Variants in ZSCAN21 observed in about 807,000 individuals in gnomAD.
ZSCAN21 encodes zinc finger and SCAN domain containing 21.
ZSCAN21 carries 26 observed loss-of-function variants against 35.6 expected under a neutral mutation model. The observed-to-expected ratio is 0.73, with a 90% CI of 0.54 to 1.01. ZSCAN21 has a LOEUF of 1.01. Among genes scored for constraint, ZSCAN21 ranks in the 50% least tolerant of loss-of-function variants. The pLI, the probability that ZSCAN21 is intolerant of heterozygous loss-of-function variation, is 0.00. For missense variants in ZSCAN21, 593 were observed against 587.1 expected, an observed-to-expected ratio of 1.01 and a Z score of -0.10; for synonymous variants, 219 against 219.3, an observed-to-expected ratio of 1.00 and a Z score of 0.01.
chr7:100,057,159 T>G lies in ZSCAN21; in HGVS notation c.153T>G (p.Phe51Leu). ...TGTTCCGCCAGCGCTTCAGGCAGTTTGGGTACCATGATACCCCTGGACCCC... is the reference window on the plus strand; with the variant it reads ...TGTTCCGCCAGCGCTTCAGGCAGTTGGGGTACCATGATACCCCTGGACCCC... ...LEMFRQRFRQFGYHDTPGPRE... is the reference protein window; with the variant it reads ...LEMFRQRFRQLGYHDTPGPRE... The change falls in exon 2 of 4, where the codon TTT (phenylalanine) becomes TTG (leucine). Residue 51 changes from phenylalanine to leucine, a missense_variant. Phe to Leu is a conservative substitution (Grantham distance 22). Transcript: ENST00000292450. 6.2e-7 allele frequency: 1 copy of G among 1,613,882 alleles called. No homozygotes were observed. Among genetic ancestry groups the G allele is most frequent in the South Asian group, 1.1e-5 (1 of 91,070 alleles).
intron 3 of ZSCAN21, among the ~76,000 whole-genome samples, chr7:100,058,639 G>A (rs1792168296): frequency 1.3e-5 from 2 of 152,234 alleles, no homozygotes; most frequent in African/African-American, 4.8e-5. Context: ...GACTACTCCT[G>A]AGCTCAAATC....
In ZSCAN21 at chr7:100,064,082, G is replaced by A. The variant is rs1562850986; in HGVS notation, c.887G>A (p.Arg296Lys). 6.2e-7 allele frequency: 1 copy of A among 1,614,130 alleles called. No homozygotes were observed. The highest frequency in any genetic ancestry group is 8.5e-7 in the Non-Finnish European group (1 of 1,180,038). ...FSNSSNLTKHRRTHTGEKPYV... is the reference protein window; with the variant it reads ...FSNSSNLTKHKRTHTGEKPYV... ...AATAGCTCAAATCTCACCAAACACA[G>A]GAGAACACACACTGGGGAGAAACCT... The change falls in exon 4 of 4, where the codon AGG becomes AAG. Residue 296 changes from arginine (R) to lysine (K), a missense_variant. Transcript: ENST00000292450.
At position 100,057,319 on chromosome 7, in the gene ZSCAN21, G is replaced by T; in HGVS notation, c.313G>T (p.Val105Leu). 1 of 1,611,254 alleles carries T rather than the reference G, an allele frequency of 6.2e-7. No individual in the cohort carries two copies. The highest frequency in any genetic ancestry group is 2.2e-5 in the East Asian group (1 of 44,874). Residue 105 changes from valine (V) to leucine (L), a missense_variant, in exon 2 of 4, where the codon GTG (valine) becomes TTG (leucine). Transcript: ENST00000292450. Reference sequence around the variant, plus strand: ...CCTGCCCCAGGAGCTCCAGGCCTGGGTGCAGGAGCATTGCCCGGAGAGCGC... The same window carrying T: ...CCTGCCCCAGGAGCTCCAGGCCTGGTTGCAGGAGCATTGCCCGGAGAGCGC... ...TILPQELQAW[V>L]QEHCPESAEE...
At chr7:100,057,547 C>T in intron 2 of ZSCAN21, 142 bp downstream of exon 2, 1 of 1,372,080 alleles carries the variant, frequency 7.3e-7, no homozygotes, top group South Asian at 1.5e-5. Context: ...TTTTCTCTAT[C>T]ATCCTAAACT....
chr7:100,056,083 G>T (rs2116093190), intron 1 of ZSCAN21, among the ~76,000 whole-genome samples: 1 of 151,446 alleles, frequency 6.6e-6, no homozygotes, highest in African/African-American at 2.4e-5. Flanking sequence ...GGGACTACAG[G>T]CACCCGCCAC....
In ZSCAN21 at chr7:100,057,694, C is replaced by G. The variant is rs751706254; in HGVS notation, c.400-4C>G. Reference sequence around the variant, plus strand: ...CAAACCTAGCCATTCCTGATTGTCTCTAGGTCTCAACTCCTCCAAACGAAC... The same window carrying G: ...CAAACCTAGCCATTCCTGATTGTCTGTAGGTCTCAACTCCTCCAAACGAAC... On this transcript the variant is annotated splice_polypyrimidine_tract_variant and splice_region_variant and intron_variant, in intron 2 of 3. Transcript: ENST00000292450. 1.6e-5 allele frequency: 25 copies of G among 1,604,996 alleles called. No homozygotes were observed. The highest frequency in any genetic ancestry group is 2.0e-5 in the Non-Finnish European group (24 of 1,175,680).
chr7:100,062,873 CAAAAT>C (rs1258373095), intron 3 of ZSCAN21, among the ~76,000 whole-genome samples: 1 of 152,074 alleles, frequency 6.6e-6, no homozygotes, highest in Non-Finnish European at 1.5e-5. Context: ...GACTCCGTCT[CAAAAT>C]AAATAAATAA....
chr7:100,062,281 CT>C (rs921079005), intron 3 of ZSCAN21, among the ~76,000 whole-genome samples: 2,500 of 96,610 alleles, frequency 0.026, 50 homozygotes, highest in African/African-American at 0.074. Context: ...CTCAACTGTT[CT>C]TTTTTTTTTT....
At chr7:100,060,354 G>A (rs1253065481) in intron 3 of ZSCAN21, among the ~76,000 whole-genome samples, 3 of 152,152 alleles carry the variant, frequency 2.0e-5, no homozygotes, top group East Asian at 3.9e-4. Flanking sequence ...ATGAGGTCAG[G>A]AGATGGAGAC....
At chr7:100,054,527 G>A (rs1792006040) in intron 1 of ZSCAN21, among the ~76,000 whole-genome samples, 1 of 152,062 alleles carries the variant, frequency 6.6e-6, no homozygotes, top group Non-Finnish European at 1.5e-5. Context: ...TGGGATTACA[G>A]GCGTGAGTCA....
chr7:100,053,398 A>G (rs1791956711), intron 1 of ZSCAN21, among the ~76,000 whole-genome samples: 1 of 151,956 alleles, frequency 6.6e-6, no homozygotes, highest in African/African-American at 2.4e-5. Flanking sequence ...CCCAGGCCAG[A>G]TCACAGAAGC....
At chr7:100,060,858 CAAAAAAA>C (rs372983638) in intron 3 of ZSCAN21, among the ~76,000 whole-genome samples, 1 of 74,456 alleles carries the variant, frequency 1.3e-5, no homozygotes, top group African/African-American at 5.8e-5. Context: ...AGGACTCCGT[CAAAAAAA>C]AAAAAAAAAA....
intron 1 of ZSCAN21, among the ~76,000 whole-genome samples, chr7:100,050,299 A>C (rs1017735166): frequency 8.5e-5 from 13 of 152,156 alleles, no homozygotes; most frequent in African/African-American, 3.1e-4. Flanking sequence ...CCAAGGGAAG[A>C]AATAGTCCCC....
chr7:100,056,927 TA>T lies in ZSCAN21; in HGVS notation c.-77del. On this transcript the variant is annotated 5_prime_UTR_variant, in exon 2 of 4. Coordinates refer to ENST00000292450, the MANE Select transcript of ZSCAN21 (RefSeq NM_145914.3). Reference sequence around the variant, plus strand: ...TTTTCTTAGGTTTAACTTGTGGCCCTAAAGAACTGGAAACCCAAAGGAACGA... The same window carrying T: ...TTTTCTTAGGTTTAACTTGTGGCCCTAAGAACTGGAAACCCAAAGGAACGA... The T allele has an allele frequency of 1.4e-6, 2 of 1,424,526 alleles. No individual in the cohort carries two copies. The highest frequency in any genetic ancestry group is 1.9e-6 in the Non-Finnish European group (2 of 1,065,248). 88.2% of individuals were successfully genotyped at this position (1,424,526 alleles called of 1,614,324 possible).
Position 100,057,059 on chromosome 7 carries a change from A to G in ZSCAN21, c.53A>G (p.Gln18Arg). ...MAPVLGPRPP[Q>R]EQVGPLMVKV... Reference sequence around the variant, plus strand: ...CCAGTTCTGGGCCCTAGGCCTCCACAGGAGCAGGTGGGGCCTCTGATGGTA... The same window carrying G: ...CCAGTTCTGGGCCCTAGGCCTCCACGGGAGCAGGTGGGGCCTCTGATGGTA... The change falls in exon 2 of 4, where the codon CAG becomes CGG. Residue 18 changes from glutamine to arginine, a missense_variant. Coordinates refer to ENST00000292450, the MANE Select transcript of ZSCAN21 (RefSeq NM_145914.3). The G allele has an allele frequency of 6.2e-7, 1 of 1,614,096 alleles. No individual in the cohort carries two copies. Among genetic ancestry groups the G allele is most frequent in the South Asian group, 1.1e-5 (1 of 91,066 alleles).
intron 1 of ZSCAN21, among the ~76,000 whole-genome samples, chr7:100,053,114 A>T (rs993889184): frequency 1.3e-5 from 2 of 150,286 alleles, no homozygotes; most frequent in African/African-American, 4.9e-5. Flanking sequence ...CAACGGAGTG[A>T]GACTCCATCT....
At chr7:100,059,135 G>T (rs1232110368) in intron 3 of ZSCAN21, among the ~76,000 whole-genome samples, 1 of 152,200 alleles carries the variant, frequency 6.6e-6, no homozygotes, top group Admixed American at 6.5e-5. Context: ...AAGAGTCCAT[G>T]GCCCTCAGAA....
intron 3 of ZSCAN21, among the ~76,000 whole-genome samples, chr7:100,062,968 T>C (rs553363815): frequency 6.6e-6 from 1 of 152,340 alleles, no homozygotes; most frequent in Admixed American, 6.5e-5. Flanking sequence ...TCTTGACCCA[T>C]TGCAGCCTTG....
intron 3 of ZSCAN21, 40 bp from the exon 4 acceptor site, chr7:100,063,748 A>G (rs1435507506): frequency 1.3e-6 from 2 of 1,547,968 alleles, no homozygotes; most frequent in African/African-American, 2.8e-5. Context: ...CCTCAGAACA[A>G]GAAACAACTG....
Sources: allele counts gnomAD v4.1 joint callset (sites outside exome capture counted in the v4.1 genomes callset), GRCh38; gene constraint gnomAD v4.1.1; transcripts MANE v1.5; gene names NCBI Gene and HGNC (gene_info 2026-07-23, HGNC 2026-07-21).